SLFN12L: variants seen among roughly 807,000 people sequenced by gnomAD.
SLFN12L encodes the protein schlafen family member 12 like.
A neutral mutation model predicts 34.8 loss-of-function variants in SLFN12L; 34 were observed. The observed-to-expected ratio is 0.98, with a 90% CI of 0.74 to 1.30. The LOEUF is 1.30. Among genes scored for constraint, SLFN12L ranks in the 50% most tolerant of loss-of-function variants. SLFN12L has a pLI of 0.00. For synonymous variants in SLFN12L, 259 were observed against 247.5 expected (o/e 1.05, Z -0.44); for missense variants, 703 against 696.2 (o/e 1.01, Z -0.11).
intron 1 of SLFN12L, among the ~76,000 whole-genome samples, chr17:35,535,242 G>A (rs918819061): frequency 6.7e-6 from 1 of 148,882 alleles, no homozygotes; most frequent in African/African-American, 2.5e-5. Flanking sequence ...CCAGGCTGGA[G>A]TGCAATGGCG....
At chr17:35,498,921 G>A (rs1271154767) in intron 2 of SLFN12L, 2 of 717,886 alleles carry the variant, frequency 2.8e-6, no homozygotes, top group African/African-American at 3.5e-5. Flanking sequence ...TCTGCAGAAC[G>A]ATGCTGCCCT....
At chr17:35,519,896 A>G (rs1029725280) in intron 2 of SLFN12L, among the ~76,000 whole-genome samples, 5 of 152,302 alleles carry the variant, frequency 3.3e-5, no homozygotes, top group Non-Finnish European at 5.9e-5. Context: ...TGAATTTGCA[A>G]GCATAATGGA....
intron 2 of SLFN12L, 137 bp downstream of exon 2, chr17:35,522,142 C>T (rs2142168945): frequency 8.5e-7 from 1 of 1,174,218 alleles, no homozygotes; most frequent in Middle Eastern, 2.0e-4. Flanking sequence ...GAAAAAATTA[C>T]CCCATTGTGC....
At position 35,527,319 on chromosome 17, in the gene SLFN12L, T is replaced by C. The variant is rs1424549521; in HGVS notation, c.-605-4350A>G. ...GGTACCATTCCTTCTGAAGTTATTC[T>C]AAACAATAGAAAAAGAGGGAATCCT... On this transcript the variant is annotated intron_variant, in intron 1 of 4. Transcript: ENST00000628453. Among the ~76,000 whole-genome samples the C allele has an allele frequency of 5.9e-5, 9 of 152,224 alleles. 1 individual carries two copies. The highest frequency in any genetic ancestry group is 4.6e-4 in the Admixed American group (7 of 15,280).
chr17:35,476,124 G>C (rs1913994360), intron 4 of SLFN12L, among the ~76,000 whole-genome samples: 1 of 151,978 alleles, frequency 6.6e-6, no homozygotes, highest in African/African-American at 2.4e-5. Flanking sequence ...AGCCCATGCA[G>C]AAATCAGCAG....
intron 2 of SLFN12L, among the ~76,000 whole-genome samples, chr17:35,518,330 T>A (rs936932930): frequency 6.6e-6 from 1 of 152,068 alleles, no homozygotes; most frequent in Non-Finnish European, 1.5e-5. Flanking sequence ...GGTGGGTGGA[T>A]CACTTGAGGT....
chr17:35,519,359 A>T (rs1399169529), intron 2 of SLFN12L, among the ~76,000 whole-genome samples: 1 of 152,218 alleles, frequency 6.6e-6, no homozygotes, highest in East Asian at 1.9e-4. Flanking sequence ...AGCAAAATAA[A>T]ATAAATAAAA....
At chr17:35,485,475 G>T (rs1914542432) in intron 2 of SLFN12L, among the ~76,000 whole-genome samples, 1 of 152,076 alleles carries the variant, frequency 6.6e-6, no homozygotes, top group East Asian at 1.9e-4. Context: ...TCTCTAGGTT[G>T]TCTGTTTACT....
rs1283677989 is a variant in SLFN12L, at chr17:35,487,477, C to CCA, written c.87-7283_87-7282insTG. Among the ~76,000 whole-genome samples, 3 of 152,170 alleles carry CCA rather than the reference C, an allele frequency of 2.0e-5. No homozygotes were observed. In the East Asian group the frequency reaches 5.8e-4, roughly 29 times the overall value. On this transcript the variant is annotated intron_variant, in intron 2 of 4. Transcript: ENST00000628453. ...GTCCCGGAGCCCACGGACCACCCCC[C>CCA]CCGGACCCCCGGAATAAGAAACGGA... is the stretch of plus-strand genomic sequence containing the variant.
At chr17:35,485,655 C>T (rs1304937884) in intron 2 of SLFN12L, among the ~76,000 whole-genome samples, 12 of 152,332 alleles carry the variant, frequency 7.9e-5, no homozygotes, top group Non-Finnish European at 1.5e-5. Context: ...CGTGGTCTTA[C>T]ATTTCAGTCT....
At position 35,469,706 on chromosome 17, in the gene SLFN12L, C is replaced by T. The variant is rs1913774859; in HGVS notation, c.*5217G>A. On this transcript the variant is annotated 3_prime_UTR_variant, in exon 5 of 5. Transcript: ENST00000628453. ...ATTAATCACAGGGCCAAACTAATGGCCAACATTCTTTACATCCCCGCTGTG... is the reference window on the plus strand; with the variant it reads ...ATTAATCACAGGGCCAAACTAATGGTCAACATTCTTTACATCCCCGCTGTG... Among the ~76,000 whole-genome samples the T allele has an allele frequency of 6.6e-6, 1 of 152,056 alleles. No homozygotes were observed. Among genetic ancestry groups the T allele is most frequent in the South Asian group, 2.1e-4 (1 of 4,826 alleles).
chr17:35,536,848 T>A (rs2072466502), intron 1 of SLFN12L, among the ~76,000 whole-genome samples: 1 of 150,050 alleles, frequency 6.7e-6, no homozygotes, highest in South Asian at 2.1e-4. Flanking sequence ...CCCCTTTTCA[T>A]AGTGATGAAG....
In SLFN12L at chr17:35,464,292, G is replaced by A. The variant is rs949083576; in HGVS notation, c.*10631C>T. The A allele has an allele frequency of 2.0e-5, 3 of 152,072 alleles. No individual in the cohort carries two copies. Among genetic ancestry groups the A allele is most frequent in the Non-Finnish European group, 4.4e-5 (3 of 68,024 alleles). The allele number at this position is 152,072 out of a possible 1,614,324, so 9.4% of individuals were successfully genotyped here. A position where few individuals can be genotyped will look rare whatever the true frequency, so the allele number is the denominator to read the frequency against. On this transcript the variant is annotated 3_prime_UTR_variant, in exon 5 of 5. Coordinates refer to ENST00000628453, the MANE Select transcript of SLFN12L (RefSeq NM_001363830.2). ...TTTGTTAATTTTTATTTTAGGTTTG[G>A]GGGCGCATGTGAAGGCTCATTACAC...
chr17:35,536,976 A>G (rs942262665), intron 1 of SLFN12L, among the ~76,000 whole-genome samples: 2 of 151,874 alleles, frequency 1.3e-5, no homozygotes, highest in Non-Finnish European at 2.9e-5. Context: ...AGGAGTTTGA[A>G]ACCAGCCTGG....
Position 35,479,774 on chromosome 17 carries a change from T to C in SLFN12L, c.508A>G (p.Lys170Glu), listed in dbSNP as rs1048197798. 3 of 1,613,718 alleles carry C rather than the reference T, an allele frequency of 1.9e-6. No homozygotes were observed. The African/African-American group carries it at 4.0e-5, about 22-fold the overall frequency. ...QIATLSSSLY[K>E]RDVTSAKVMN... ...ACTTTTGCAGACGTTACATCTCTCT[T>C]GTACAAACTGGAGCTCAACGTGGCA... is the stretch of plus-strand genomic sequence containing the variant. The change falls in exon 3 of 5, where the codon AAG becomes GAG. Residue 170 changes from lysine (K) to glutamate (E), a missense_variant. Lys to Glu is a moderately conservative substitution (Grantham distance 56). Coordinates refer to ENST00000628453, the MANE Select transcript of SLFN12L (RefSeq NM_001363830.2).
rs951116364 is a variant in SLFN12L, at chr17:35,465,225, C to G, written c.*9698G>C. Among the ~76,000 whole-genome samples the G allele has an allele frequency of 6.6e-6, 1 of 152,166 alleles. No homozygotes were observed. The highest frequency in any genetic ancestry group is 2.4e-5 in the African/African-American group (1 of 41,432). On this transcript the variant is annotated 3_prime_UTR_variant, in exon 5 of 5. Coordinates refer to ENST00000628453, the MANE Select transcript of SLFN12L (RefSeq NM_001363830.2). The stretch of plus-strand genomic sequence containing the variant: ...AACTTTAACATTTGCCAAAATGCAC[C>G]AATTGAGAAACCTCGTGGACTTAAT...
intron 2 of SLFN12L, among the ~76,000 whole-genome samples, chr17:35,484,014 G>A (rs6505476): frequency 0.73 from 110,836 of 152,110 alleles, 40,931 homozygotes; most frequent in African/African-American, 0.86. Flanking sequence ...AAAAAGAACC[G>A]TCTATTCCAT....
chr17:35,509,208 G>A (rs1198727659), intron 2 of SLFN12L, among the ~76,000 whole-genome samples: 2 of 152,204 alleles, frequency 1.3e-5, no homozygotes, highest in African/African-American at 4.8e-5. Context: ...TCAGTTATTA[G>A]ATTACTGTAG....
intron 2 of SLFN12L, 45 bp from the exon 3 acceptor site, chr17:35,480,240 G>A: frequency 7.2e-7 from 1 of 1,398,602 alleles, no homozygotes. Flanking sequence ...CTGAGAGACA[G>A]CAAATTCTGC....
Sources: gnomAD v4.1 joint callset for allele counts (sites outside exome capture counted in the v4.1 genomes callset) on GRCh38, gnomAD v4.1.1 for gene constraint, MANE v1.5 for transcripts, NCBI Gene and HGNC (gene_info 2026-07-23, HGNC 2026-07-21) for gene names.